The following ZC3H4 variants were observed in gnomAD, a reference collection of about 807,000 sequenced individuals.
The protein encoded by ZC3H4 is zinc finger CCCH domain-containing protein 4.
In ZC3H4, 13 loss-of-function variants were observed where a neutral mutation model predicts 108.3. The ratio of observed to expected loss-of-function variants is 0.12; its 90% CI spans 0.08 to 0.19. The LOEUF (loss-of-function observed/expected upper bound fraction) is 0.19. ZC3H4 is among the 10% of genes least tolerant of loss of function. The pLI is 1.00. For synonymous variants in ZC3H4, 917 were observed against 749.6 expected (o/e 1.22, Z -3.65); for missense variants, 1,734 against 1,838.8 (o/e 0.94, Z 1.04).
At position 47,094,909 on chromosome 19, in the gene ZC3H4, C is replaced by T. The variant is rs575416978; in HGVS notation, c.162-301G>A. 3.3e-5 allele frequency among the ~76,000 whole-genome samples: 5 copies of T among 152,182 alleles called. No homozygotes were observed. The South Asian group carries it at 6.2e-4, about 19-fold the overall frequency. ...AACTAGTGTTCTTAGAAGAAGAAAC[C>T]GACAAGGTGCTGTGGTCACATAAGC... On this transcript the variant is annotated intron_variant, in intron 2 of 14. Coordinates refer to ENST00000253048, the MANE Select transcript of ZC3H4 (RefSeq NM_015168.2).
chr19:47,087,618 C>T (rs1411783595), intron 5 of ZC3H4, among the ~76,000 whole-genome samples: 1 of 152,182 alleles, frequency 6.6e-6, no homozygotes, highest in Admixed American at 6.5e-5. Flanking sequence ...GTGGTTCACA[C>T]CTGTAATCCC....
At chr19:47,098,058 G>C (rs891101408) in intron 2 of ZC3H4, among the ~76,000 whole-genome samples, 1 of 152,146 alleles carries the variant, frequency 6.6e-6, no homozygotes, top group Non-Finnish European at 1.5e-5. Flanking sequence ...CGGGTATTTC[G>C]GTTCCCATTT....
intron 13 of ZC3H4, 23 bp downstream of exon 13, chr19:47,071,755 G>A: frequency 1.3e-6 from 2 of 1,570,180 alleles, no homozygotes; most frequent in Non-Finnish European, 1.7e-6. Flanking sequence ...GCCCCAGGCA[G>A]CCACACCTGG....
At chr19:47,083,034 CATTT>C (rs1258386299) in intron 9 of ZC3H4, among the ~76,000 whole-genome samples, 2 of 152,092 alleles carry the variant, frequency 1.3e-5, no homozygotes, top group Admixed American at 6.5e-5. Context: ...AATGCCTATT[CATTT>C]GTCTTAATTT....
Position 47,072,807 on chromosome 19 carries a change from C to T in ZC3H4, c.1441-94G>A. 6.9e-7 allele frequency: 1 copy of T among 1,447,152 alleles called. No individual in the cohort carries two copies. The highest frequency in any genetic ancestry group is 2.3e-5 in the East Asian group (1 of 42,930). The allele number at this position is 1,447,152 out of a possible 1,614,324, so 89.6% of individuals were successfully genotyped here. On this transcript the variant is annotated intron_variant, in intron 11 of 14. Coordinates refer to ENST00000253048, the MANE Select transcript of ZC3H4 (RefSeq NM_015168.2). This position sits in a 1 kb window ranked among gnomAD's most constrained non-coding sequence, Gnocchi z 5.6. ...AGAGCTGAAGTTTATGAGGAAAAGT[C>T]CATAATACAAGGACCTTGAGATCTA...
chr19:47,085,246 C>T (rs1206651555), intron 7 of ZC3H4, 51 bp from the exon 8 acceptor site: 3 of 1,576,958 alleles, frequency 1.9e-6, no homozygotes, highest in Non-Finnish European at 1.7e-6. Context: ...CTCCCCCACC[C>T]CCAGGACTAG....
At chr19:47,094,229 G>A in intron 3 of ZC3H4, 149 bp from the exon 4 acceptor site, 1 of 1,099,730 alleles carries the variant, frequency 9.1e-7, no homozygotes, top group Non-Finnish European at 1.3e-6. Context: ...TGGCAATGAA[G>A]CATAAGCTAC....
chr19:47,109,671 A>G (rs556105449), intron 2 of ZC3H4, among the ~76,000 whole-genome samples: 3 of 152,306 alleles, frequency 2.0e-5, no homozygotes, highest in Admixed American at 1.3e-4. Context: ...TTGTGAACAT[A>G]TTAAGAGGAA....
chr19:47,095,652 T>C (rs2057808496), intron 2 of ZC3H4, among the ~76,000 whole-genome samples: 1 of 151,488 alleles, frequency 6.6e-6, no homozygotes, highest in Admixed American at 6.6e-5. Context: ...GGGGTAGGAG[T>C]GAGGAAGAAA....
intron 2 of ZC3H4, chr19:47,096,829 T>C: frequency 2.0e-6 from 2 of 985,386 alleles, no homozygotes; most frequent in Non-Finnish European, 2.4e-6. Flanking sequence ...GACAAGAAAC[T>C]TGGTCCACAA....
chr19:47,073,065 G>A (rs979465649), intron 11 of ZC3H4, among the ~76,000 whole-genome samples: 2 of 152,136 alleles, frequency 1.3e-5, no homozygotes, highest in African/African-American at 4.8e-5. Context: ...TTGAGGCCAG[G>A]AGTTCAAGAC....
chr19:47,084,501 G>A, intron 8 of ZC3H4, 46 bp from the exon 9 acceptor site: 2 of 1,593,950 alleles, frequency 1.3e-6, no homozygotes, highest in Non-Finnish European at 1.7e-6. Context: ...AAAGGGAAGG[G>A]TAGAGATGGG....
chr19:47,092,906 C>T (rs753380523), intron 4 of ZC3H4, among the ~76,000 whole-genome samples: 2 of 151,466 alleles, frequency 1.3e-5, no homozygotes, highest in Non-Finnish European at 2.9e-5. Flanking sequence ...CCAACGAATA[C>T]TGGGTAAAGT....
intron 11 of ZC3H4, among the ~76,000 whole-genome samples, chr19:47,079,117 C>T (rs1243034807): frequency 6.6e-6 from 1 of 150,622 alleles, no homozygotes; most frequent in Non-Finnish European, 1.5e-5. Context: ...GCAACCACCG[C>T]CTCCCGGGTT....
intron 2 of ZC3H4, among the ~76,000 whole-genome samples, chr19:47,097,972 C>A (rs150946971): frequency 3.3e-5 from 5 of 152,340 alleles, no homozygotes; most frequent in African/African-American, 1.2e-4. Flanking sequence ...TTGGAACTGG[C>A]CCCCATGAGG....
chr19:47,098,114 G>A (rs546325421), intron 2 of ZC3H4, among the ~76,000 whole-genome samples: 1 of 152,282 alleles, frequency 6.6e-6, no homozygotes, highest in African/African-American at 2.4e-5. Flanking sequence ...AGATCTGGAC[G>A]CCCACTCTAA....
intron 2 of ZC3H4, among the ~76,000 whole-genome samples, chr19:47,106,025 C>T (rs975553398): frequency 7.9e-5 from 12 of 152,194 alleles, no homozygotes; most frequent in Admixed American, 3.3e-4. Flanking sequence ...GTGACTTCAC[C>T]TCTCTGTTTT....
intron 2 of ZC3H4, among the ~76,000 whole-genome samples, chr19:47,105,555 T>C (rs2057958065): frequency 6.6e-6 from 1 of 152,128 alleles, no homozygotes; most frequent in South Asian, 2.1e-4. Flanking sequence ...GCCAAGATCA[T>C]GCCACCGCAC....
Position 47,077,457 on chromosome 19 carries a change from A to C in ZC3H4, c.1440+4056T>G, listed in dbSNP as rs181959749. On this transcript the variant is annotated intron_variant, in intron 11 of 14. Transcript: ENST00000253048. ...CACTCCAGCCTTGGCAACAAGAGTG[A>C]AACTCCGTCTTAAAAAAAAAAAAAA... Among the ~76,000 whole-genome samples, 75 of 152,010 alleles carry C rather than the reference A, an allele frequency of 4.9e-4. 2 individuals carry two copies. The East Asian group carries it at 0.015, about 29-fold the overall frequency.
Sources: gnomAD v4.1 joint callset for allele counts (sites outside exome capture counted in the v4.1 genomes callset) on GRCh38, gnomAD v4.1.1 for gene constraint, Gnocchi (gnomAD v3.1) non-coding constraint, MANE v1.5 for transcripts, NCBI Gene and HGNC (gene_info 2026-07-23, HGNC 2026-07-21) for gene names.